Variants in JMJD4 observed in about 807,000 individuals in gnomAD.
JMJD4 encodes the protein jumonji domain containing 4.
JMJD4 carries 34 observed loss-of-function variants against 36.3 expected under a neutral mutation model. The ratio of observed to expected loss-of-function variants is 0.94; its 90% confidence interval spans 0.71 to 1.25. The LOEUF is 1.25. JMJD4 is among the 50% of genes most tolerant of loss of function. The pLI is 0.00. For synonymous variants in JMJD4, 269 were observed against 235.3 expected (o/e 1.14, Z -1.31); for missense variants, 584 against 559.1 (o/e 1.04, Z -0.45).
In JMJD4 at chr1:227,732,584, C is replaced by G. The variant is rs752532169; in HGVS notation, c.1062G>C (p.Glu354Asp). Residue 354 changes from glutamate to aspartate, a missense_variant, in exon 6 of 6, where the codon GAG becomes GAC. Coordinates refer to ENST00000620518, the MANE Select transcript of JMJD4 (RefSeq NM_023007.3). ...ACCCAGCACCGTCCTCAGCGGCTGC[C>G]TCCCTCAGGACCAGGAGCCTCTTCT... ...IAEKRLLVLR[E>D]AAAEDGAGLG... 2.5e-6 allele frequency: 4 copies of G among 1,613,396 alleles called. No individual in the cohort carries two copies. The African/African-American group carries it at 4.0e-5, about 16-fold the overall frequency.
chr1:227,734,849 C>T (rs765342932), intron 1 of JMJD4, 33 bp from the exon 2 acceptor site: 3 of 1,612,084 alleles, frequency 1.9e-6, no homozygotes, highest in Non-Finnish European at 2.5e-6. Flanking sequence ...TGCCATCTCC[C>T]TGGGCCCCGT....
Position 227,732,979 on chromosome 1 carries a change from C to T in JMJD4, c.871G>A (p.Ala291Thr), listed in dbSNP as rs1660770589. 7 of 1,613,452 alleles carry T rather than the reference C, an allele frequency of 4.3e-6. No individual in the cohort carries two copies. The highest frequency in any genetic ancestry group is 5.9e-6 in the Non-Finnish European group (7 of 1,180,028). The change falls in exon 5 of 6, where the codon GCC becomes ACC. Residue 291 changes from alanine (A) to threonine (T), a missense_variant. Physicochemically the swap from Ala to Thr is moderately conservative, Grantham distance 58. Transcript: ENST00000620518. ...TGCTGCAAGAAGCGCCACATGTTGG[C>T]CAGGTTGAAGCCATTGACCCAGTTG... ...NHNWVNGFNL[A>T]NMWRFLQQEL... is the part of the protein sequence containing the mutation.
intron 3 of JMJD4, 94 bp from the exon 4 acceptor site, chr1:227,733,775 GCCCC>G: frequency 6.3e-7 from 1 of 1,582,030 alleles, no homozygotes; most frequent in Non-Finnish European, 8.6e-7. Context: ...AGGAGGGGTG[GCCCC>G]TTGGTCTCAA....
In JMJD4 at chr1:227,731,320, CCTAGA is replaced by C. The variant is rs1660631151; in HGVS notation, c.*1067_*1071del. On this transcript the variant is annotated 3_prime_UTR_variant, in exon 6 of 6. Transcript: ENST00000620518. ...CCCTGCCCTTCTTGGGGGCTTCCATCCTAGACAAGTGCCAGCGGCCCCAGTTGATG... is the reference window on the plus strand; with the variant it reads ...CCCTGCCCTTCTTGGGGGCTTCCATCCAAGTGCCAGCGGCCCCAGTTGATG... The C allele has an allele frequency of 6.6e-6, 1 of 152,368 alleles. No individual in the cohort carries two copies. Among genetic ancestry groups the C allele is most frequent in the Admixed American group, 6.5e-5 (1 of 15,294 alleles). 9.4% of individuals were successfully genotyped at this position (152,368 alleles called of 1,614,324 possible). A position where few individuals can be genotyped will look rare whatever the true frequency, so the allele number is the denominator to read the frequency against.
intron 3 of JMJD4, 85 bp from the exon 4 acceptor site, chr1:227,733,766 G>A: frequency 6.3e-7 from 1 of 1,589,106 alleles, no homozygotes; most frequent in Non-Finnish European, 8.5e-7. Context: ...TCCAACTGAA[G>A]GAGGGGTGGC....
In JMJD4 at chr1:227,733,684, G is replaced by A. The variant is rs1466425521; in HGVS notation, c.555-3C>T. 1.3e-6 allele frequency: 2 copies of A among 1,599,920 alleles called. No homozygotes were observed. The highest frequency in any genetic ancestry group is 8.5e-7 in the Non-Finnish European group (1 of 1,179,888). ...AGATGTCAGCATGGAACGGGGACCT[G>A]CGGCAGCAAGAGCGCCTGGTTCATG... On this transcript the variant is annotated splice_polypyrimidine_tract_variant and splice_region_variant and intron_variant, in intron 3 of 5. Coordinates refer to ENST00000620518, the MANE Select transcript of JMJD4 (RefSeq NM_023007.3).
At chr1:227,732,791 C>T (rs1571961128) in intron 5 of JMJD4, 90 bp downstream of exon 5, 3 of 1,592,112 alleles carry the variant, frequency 1.9e-6, no homozygotes, top group Non-Finnish European at 2.6e-6. Flanking sequence ...GACAGAGGCA[C>T]TGAGAAGCTG....
Position 227,734,752 on chromosome 1 carries a change from G to A in JMJD4, c.327C>T (p.His109=). The A allele has an allele frequency of 6.2e-7, 1 of 1,614,128 alleles. No homozygotes were observed. The change falls in exon 2 of 6, where the codon CAC becomes CAT. Residue 109 remains histidine (H), a synonymous_variant. Transcript: ENST00000620518. ...VQEYNSNPKE[H]MTLRDYITYW... is the part of the protein sequence containing the mutation. ...AGGTGATGTAGTCTCTGAGAGTCAT[G>A]TGCTCTTTGGGGTTCGAGTTGTATT...
Position 227,735,210 on chromosome 1 carries a change from C to G in JMJD4, c.64G>C (p.Gly22Arg). The change falls in exon 1 of 6, where the codon GGC (glycine) becomes CGC (arginine). Residue 22 changes from glycine (G) to arginine (R), a missense_variant. Transcript: ENST00000620518. ...ACCCGGCCCGGAGCCTGGCCGACGCCGGGGACATCGACCCCCAGGCCTCGG... is the reference window on the plus strand; with the variant it reads ...ACCCGGCCCGGAGCCTGGCCGACGCGGGGGACATCGACCCCCAGGCCTCGG... ...HFRGLGVDVP[G>R]VGQAPGRVAF... 1.3e-6 allele frequency: 2 copies of G among 1,586,582 alleles called. No homozygotes were observed. The highest frequency in any genetic ancestry group is 1.7e-4 in the Middle Eastern group (1 of 6,024).
Position 227,732,021 on chromosome 1 carries a change from C to T in JMJD4, c.*371G>A. The T allele has an allele frequency of 3.3e-6, 1 of 305,046 alleles. No homozygotes were observed. The highest frequency in any genetic ancestry group is 7.3e-5 in the East Asian group (1 of 13,644). 18.9% of individuals were successfully genotyped at this position (305,046 alleles called of 1,614,324 possible). A position where few individuals can be genotyped will look rare whatever the true frequency, so the allele number is the denominator to read the frequency against. On this transcript the variant is annotated 3_prime_UTR_variant, in exon 6 of 6. Transcript: ENST00000620518. ...GGCAGAGCCAGGGGTGGTCCAATGG[C>T]CTGAGACGAGGGGACAGGGCTGGCC...
At chr1:227,733,374 G>A in intron 4 of JMJD4, 40 bp downstream of exon 4, 4 of 1,553,818 alleles carry the variant, frequency 2.6e-6, no homozygotes, top group Middle Eastern at 2.1e-4. Context: ...TCTTCCTGCA[G>A]GAAGGCCCCT....
In JMJD4 at chr1:227,733,452, A is replaced by G. The variant is rs1294396911; in HGVS notation, c.784T>C (p.Phe262Leu). 6 of 1,587,714 alleles carry G rather than the reference A, an allele frequency of 3.8e-6. No homozygotes were observed. Among genetic ancestry groups the G allele is most frequent in the Non-Finnish European group, 5.1e-6 (6 of 1,167,130 alleles). ...EITQEAGEMV[F>L]VPSGWHHQVH... The stretch of plus-strand genomic sequence containing the variant: ...TGGTGGTGCCAGCCACTGGGCACAA[A>G]CACCATCTCGCCCGCTTCCTGCGTG... The change falls in exon 4 of 6, where the codon TTT (phenylalanine) becomes CTT (leucine). Residue 262 changes from phenylalanine (F) to leucine (L), a missense_variant. Coordinates refer to ENST00000620518, the MANE Select transcript of JMJD4 (RefSeq NM_023007.3).
rs145226245 is a variant in JMJD4, at chr1:227,732,284, G to T, written c.*108C>A. ...CATGAACAGCCAGGCCACAAGCCTC[G>T]ACAGGGGTGGGCCCCAGGTCACAGG... On this transcript the variant is annotated 3_prime_UTR_variant, in exon 6 of 6. Coordinates refer to ENST00000620518, the MANE Select transcript of JMJD4 (RefSeq NM_023007.3). The T allele has an allele frequency of 1.5e-6, 2 of 1,338,822 alleles. No individual in the cohort carries two copies. Among genetic ancestry groups the T allele is most frequent in the African/African-American group, 1.5e-5 (1 of 68,810 alleles). 82.9% of individuals were successfully genotyped at this position (1,338,822 alleles called of 1,614,324 possible).
chr1:227,732,813 A>G, intron 5 of JMJD4, 68 bp downstream of exon 5: 1 of 1,601,012 alleles, frequency 6.2e-7, no homozygotes, highest in Non-Finnish European at 8.5e-7. Flanking sequence ...GCGGTGACCA[A>G]GGGAGTCTGA....
intron 1 of JMJD4, 42 bp downstream of exon 1, chr1:227,734,970 C>T: frequency 6.7e-7 from 1 of 1,503,560 alleles, no homozygotes; most frequent in Non-Finnish European, 8.9e-7. Context: ...TGGGTCCCGC[C>T]GGCCTTTCCT....
chr1:227,734,377 A>G (rs34909523), intron 2 of JMJD4: 1 of 271,510 alleles, frequency 3.7e-6, no homozygotes, highest in Non-Finnish European at 6.5e-6. Context: ...AAAAAAAAAA[A>G]GCCGGGAGTG....
Position 227,732,242 on chromosome 1 carries a change from G to T in JMJD4, c.*150C>A. On this transcript the variant is annotated 3_prime_UTR_variant, in exon 6 of 6. Transcript: ENST00000620518. The stretch of plus-strand genomic sequence containing the variant: ...CCTCATTGGGCCTCACCTGAAAACA[G>T]GCACCCAGGCAGTGGCCATGAACAG... 1.1e-6 allele frequency: 1 copy of T among 886,168 alleles called. No individual in the cohort carries two copies. The highest frequency in any genetic ancestry group is 1.6e-5 in the South Asian group (1 of 61,028). 54.9% of individuals were successfully genotyped at this position (886,168 alleles called of 1,614,324 possible).
In JMJD4 at chr1:227,733,223, G is replaced by A. The variant is rs945066603; in HGVS notation, c.822+191C>T. The A allele has an allele frequency of 5.9e-6, 5 of 848,136 alleles. No homozygotes were observed. In the Admixed American group the frequency reaches 1.2e-4, roughly 20 times the overall value. 52.5% of individuals were successfully genotyped at this position (848,136 alleles called of 1,614,324 possible). On this transcript the variant is annotated intron_variant, in intron 4 of 5. Transcript: ENST00000620518. ...CACCTCAGGCCACAGTGAACCCAGA[G>A]CAAGTAGACCCAGGGACCGGCAGTG... is the stretch of plus-strand genomic sequence containing the variant.
Position 227,732,333 on chromosome 1 carries a change from G to A in JMJD4, c.*59C>T. The A allele has an allele frequency of 6.3e-7, 1 of 1,579,516 alleles. No homozygotes were observed. On this transcript the variant is annotated 3_prime_UTR_variant, in exon 6 of 6. Transcript: ENST00000620518. ...GGGAGGGCGGTCTTTATTTCTGGAA[G>A]GGCCCCGGAGCAGGAGGCTGCCTCT...
Sources: gnomAD v4.1 joint callset for allele counts on GRCh38, gnomAD v4.1.1 for gene constraint, MANE v1.5 for transcripts, NCBI Gene and HGNC (gene_info 2026-07-23, HGNC 2026-07-21) for gene names.